Variants in MALT1 observed in about 807,000 individuals in gnomAD.
The protein encoded by MALT1 is mucosa-associated lymphoid tissue lymphoma translocation protein 1.
A neutral mutation model predicts 85.5 loss-of-function variants in MALT1; 36 were observed. The observed-to-expected ratio is 0.42, with a 90% CI of 0.32 to 0.56. The LOEUF is 0.56. Among genes scored for constraint, MALT1 ranks in the 20% least tolerant of loss-of-function variants. The pLI, the probability that MALT1 is intolerant of heterozygous loss-of-function variation, is 0.10. For synonymous variants in MALT1, 359 were observed against 361.3 expected, an observed-to-expected ratio of 0.99 and a Z score of 0.07; for missense variants, 716 against 981.6, an observed-to-expected ratio of 0.73 and a Z score of 3.62.
intron 2 of MALT1, chr18:58,691,258 A>G (rs554337666): frequency 9.3e-5 from 40 of 428,492 alleles, no homozygotes; most frequent in Non-Finnish European, 1.3e-4. Context: ...CCTTACCCCT[A>G]TCTCCATATC....
intron 3 of MALT1, among the ~76,000 whole-genome samples, chr18:58,698,968 G>C (rs569547833): frequency 6.6e-6 from 1 of 152,170 alleles, no homozygotes; most frequent in Non-Finnish European, 1.5e-5. Flanking sequence ...GCTGCCCCAC[G>C]AGGGAATTTA....
chr18:58,685,059 T>C (rs899076413), intron 2 of MALT1, among the ~76,000 whole-genome samples: 1 of 152,086 alleles, frequency 6.6e-6, no homozygotes, highest in Non-Finnish European at 1.5e-5. Context: ...TCCAAGACAG[T>C]TGTAAAAAAT....
intron 9 of MALT1, among the ~76,000 whole-genome samples, chr18:58,718,432 C>T (rs983630605): frequency 1.6e-4 from 24 of 152,230 alleles, no homozygotes; most frequent in African/African-American, 5.3e-4. Flanking sequence ...AGTGAGCGAG[C>T]ATTACCACCT....
chr18:58,704,524 A>C (rs917127438), intron 4 of MALT1, among the ~76,000 whole-genome samples: 1 of 152,138 alleles, frequency 6.6e-6, no homozygotes, highest in African/African-American at 2.4e-5. Context: ...TGGCACGATC[A>C]TGGCTCACTG....
In MALT1 at chr18:58,747,356, T is replaced by C. The variant is rs534141137; in HGVS notation, c.2038-49T>C. The C allele has an allele frequency of 6.1e-6, 7 of 1,152,004 alleles. No individual in the cohort carries two copies. The Admixed American group carries it at 9.5e-5, about 16-fold the overall frequency. 71.4% of individuals were successfully genotyped at this position (1,152,004 alleles called of 1,614,324 possible). On this transcript the variant is annotated intron_variant, in intron 16 of 16. Transcript: ENST00000649217. ...ATGTGTGAATATTTTCAGATTGATA[T>C]ATATTCACTGTTGATGCCAATAATA... is the stretch of plus-strand genomic sequence containing the variant.
At chr18:58,732,655 C>G (rs142928317) in intron 10 of MALT1, among the ~76,000 whole-genome samples, 1 of 150,830 alleles carries the variant, frequency 6.6e-6, no homozygotes, top group African/African-American at 2.4e-5. Flanking sequence ...AGCTCCTGCT[C>G]TCTATGCCAG....
intron 10 of MALT1, among the ~76,000 whole-genome samples, chr18:58,728,409 G>T (rs1306555295): frequency 1.6e-5 from 2 of 121,650 alleles, no homozygotes; most frequent in African/African-American, 7.4e-5. Context: ...TTTGAGACCA[G>T]CCTTGGACAA....
chr18:58,673,078 ATAAT>A (rs149140483), intron 1 of MALT1, among the ~76,000 whole-genome samples: 25 of 152,318 alleles, frequency 1.6e-4, no homozygotes, highest in African/African-American at 5.3e-4. Context: ...GTCTTACAGT[ATAAT>A]TATTTGTACA....
At chr18:58,679,112 T>C (rs894487094) in intron 1 of MALT1, among the ~76,000 whole-genome samples, 1 of 152,240 alleles carries the variant, frequency 6.6e-6, no homozygotes. Flanking sequence ...TACTTTCCCC[T>C]TCTATAAAAT....
At chr18:58,686,288 A>G (rs1331639315) in intron 2 of MALT1, among the ~76,000 whole-genome samples, 1 of 152,164 alleles carries the variant, frequency 6.6e-6, no homozygotes, top group Non-Finnish European at 1.5e-5. Flanking sequence ...CGGCCTCCCA[A>G]AGTACTGGGA....
At chr18:58,726,913 A>G (rs2055063163) in intron 10 of MALT1, among the ~76,000 whole-genome samples, 1 of 152,222 alleles carries the variant, frequency 6.6e-6, no homozygotes, top group South Asian at 2.1e-4. Flanking sequence ...CTCAGTGGTT[A>G]AGCAGTGGGC....
At chr18:58,685,130 T>A (rs1206820502) in intron 2 of MALT1, among the ~76,000 whole-genome samples, 1 of 152,196 alleles carries the variant, frequency 6.6e-6, no homozygotes, top group Non-Finnish European at 1.5e-5. Flanking sequence ...TTCTTGAGTC[T>A]TAGTGAAAAT....
At chr18:58,698,335 G>A (rs1369932198) in intron 3 of MALT1, among the ~76,000 whole-genome samples, 4 of 152,166 alleles carry the variant, frequency 2.6e-5, no homozygotes, top group Non-Finnish European at 2.9e-5. Context: ...AAAGTGCTGG[G>A]ATTACAGGCG....
chr18:58,676,676 T>C (rs1049749095), intron 1 of MALT1, among the ~76,000 whole-genome samples: 1 of 152,230 alleles, frequency 6.6e-6, no homozygotes, highest in African/African-American at 2.4e-5. Flanking sequence ...CTTAAGACCA[T>C]TGGTTAGTTG....
Position 58,741,801 on chromosome 18 carries a change from C to G in MALT1, c.1604-64C>G, listed in dbSNP as rs530328901. 20 of 1,003,608 alleles carry G rather than the reference C, an allele frequency of 2.0e-5. No individual in the cohort carries two copies. The East Asian group carries it at 4.9e-4, about 25-fold the overall frequency. The allele number at this position is 1,003,608 out of a possible 1,614,324, so 62.2% of individuals were successfully genotyped here. On this transcript the variant is annotated intron_variant, in intron 13 of 16. Transcript: ENST00000649217. ...CCTGATAATGTAGGATAGTTCTTAGCCTAAATATTTAAAACATAAGAATTG... is the reference window on the plus strand; with the variant it reads ...CCTGATAATGTAGGATAGTTCTTAGGCTAAATATTTAAAACATAAGAATTG...
chr18:58,685,067 A>C (rs2054381442), intron 2 of MALT1, among the ~76,000 whole-genome samples: 1 of 151,690 alleles, frequency 6.6e-6, no homozygotes, highest in Non-Finnish European at 1.5e-5. Flanking sequence ...AGTTGTAAAA[A>C]ATATATATAT....
At chr18:58,686,857 A>G (rs1227269581) in intron 2 of MALT1, among the ~76,000 whole-genome samples, 1 of 152,234 alleles carries the variant, frequency 6.6e-6, no homozygotes, top group Non-Finnish European at 1.5e-5. Context: ...GAACAGTGCT[A>G]TTGTGAACAT....
At chr18:58,701,089 G>A (rs529962503) in intron 4 of MALT1, among the ~76,000 whole-genome samples, 3 of 152,086 alleles carry the variant, frequency 2.0e-5, no homozygotes, top group Non-Finnish European at 2.9e-5. Flanking sequence ...CAGCATGCCC[G>A]GCCTGCTTTA....
chr18:58,748,345 A>AT lies in MALT1; in HGVS notation c.*504dup, dbSNP rs1327560275. On this transcript the variant is annotated 3_prime_UTR_variant, in exon 17 of 17. Coordinates refer to ENST00000649217, the MANE Select transcript of MALT1 (RefSeq NM_006785.4). ...AACTGCCTTCCTGACAGGTTCTGAG[A>AT]TAAGTGTTATGTTTGTAGATAGAGT... The AT allele has an allele frequency of 1.0e-5, 2 of 196,134 alleles. No homozygotes were observed. The highest frequency in any genetic ancestry group is 2.1e-5 in the Non-Finnish European group (2 of 94,136). 12.1% of individuals were successfully genotyped at this position (196,134 alleles called of 1,614,324 possible). A position where few individuals can be genotyped will look rare whatever the true frequency, so the allele number is the denominator to read the frequency against.
Sources: gnomAD v4.1 joint callset for allele counts (sites outside exome capture counted in the v4.1 genomes callset) on GRCh38, gnomAD v4.1.1 for gene constraint, MANE v1.5 for transcripts, NCBI Gene and HGNC (gene_info 2026-07-23, HGNC 2026-07-21) for gene names.